The following GNA13 variants were observed in gnomAD, a reference collection of about 807,000 sequenced individuals.
GNA13 encodes the protein guanine nucleotide-binding protein subunit alpha-13.
GNA13 carries 4 observed loss-of-function variants against 33.5 expected under a neutral mutation model. That is an observed-to-expected ratio of 0.12 (90% CI 0.06 to 0.27). The LOEUF is 0.27. Among genes scored for constraint, GNA13 ranks in the 10% least tolerant of loss-of-function variants. The pLI, the probability that GNA13 is intolerant of heterozygous loss-of-function variation, is 1.00. For synonymous variants in GNA13, 176 were observed against 183.8 expected, an observed-to-expected ratio of 0.96 and a Z score of 0.34; for missense variants, 319 against 487.2, an observed-to-expected ratio of 0.65 and a Z score of 3.25.
At chr17:65,023,005 C>A (rs1395601199) in intron 2 of GNA13, among the ~76,000 whole-genome samples, 1 of 152,180 alleles carries the variant, frequency 6.6e-6, no homozygotes, top group African/African-American at 2.4e-5. Flanking sequence ...TTGTTGTTTA[C>A]TTAGGGAATC....
At chr17:65,053,791 T>TAAAAA in intron 1 of GNA13, 63 bp from the exon 2 acceptor site, 2 of 1,023,702 alleles carry the variant, frequency 2.0e-6, no homozygotes, top group Non-Finnish European at 3.0e-6. Flanking sequence ...TCATAAGTTT[T>TAAAAA]TATTCCAGTA....
intron 2 of GNA13, chr17:65,053,274 T>A: frequency 1.9e-6 from 1 of 520,436 alleles, no homozygotes; most frequent in Admixed American, 3.5e-5. Flanking sequence ...ATGTTTCATA[T>A]ATACCTTAAG....
At chr17:65,046,981 TAATAGAATACAA>T (rs1349744519) in intron 2 of GNA13, among the ~76,000 whole-genome samples, 2 of 152,254 alleles carry the variant, frequency 1.3e-5, no homozygotes, top group East Asian at 3.9e-4. Context: ...AATTTCAACA[TAATAGAATACAA>T]GTGATACCAC....
chr17:65,049,275 A>C (rs1468152085), intron 2 of GNA13, among the ~76,000 whole-genome samples: 1 of 152,026 alleles, frequency 6.6e-6, no homozygotes, highest in Non-Finnish European at 1.5e-5. Flanking sequence ...ATGCCTGGCT[A>C]ATTTTTGGTT....
At chr17:65,056,267 G>GC in intron 1 of GNA13, 44 bp downstream of exon 1, 3 of 627,432 alleles carry the variant, frequency 4.8e-6, no homozygotes, top group Admixed American at 5.3e-5. Flanking sequence ...CGCCGCCCCA[G>GC]CCCCCCTGCC....
At chr17:65,042,997 T>C (rs1277262126) in intron 2 of GNA13, among the ~76,000 whole-genome samples, 1 of 152,170 alleles carries the variant, frequency 6.6e-6, no homozygotes, top group Non-Finnish European at 1.5e-5. Context: ...ACAAGTCAGG[T>C]ACTGTGGGGC....
intron 2 of GNA13, among the ~76,000 whole-genome samples, chr17:65,048,092 AG>A (rs948847832): frequency 6.6e-5 from 10 of 152,234 alleles, no homozygotes; most frequent in Non-Finnish European, 1.3e-4. Context: ...TGGCCATTAC[AG>A]GAAGTTGTAT....
At chr17:65,030,675 A>G (rs1385794729) in intron 2 of GNA13, among the ~76,000 whole-genome samples, 1 of 152,244 alleles carries the variant, frequency 6.6e-6, no homozygotes. Context: ...TCACTTTGAA[A>G]AAAACAAGCC....
In GNA13 at chr17:65,011,994, A is replaced by G; in HGVS notation, c.*2263T>C. On this transcript the variant is annotated 3_prime_UTR_variant, in exon 4 of 4. Coordinates refer to ENST00000439174, the MANE Select transcript of GNA13 (RefSeq NM_006572.6). ...GAATGTCAAAACAAGCCTAAGTTGA[A>G]TATAAGTAATTCATTGCCTCAAAAT... 4.4e-6 allele frequency: 1 copy of G among 227,758 alleles called. No individual in the cohort carries two copies. Among genetic ancestry groups the G allele is most frequent in the Non-Finnish European group, 8.7e-6 (1 of 114,582 alleles). 14.1% of individuals were successfully genotyped at this position (227,758 alleles called of 1,614,324 possible).
chr17:65,056,396 C>T lies in GNA13; in HGVS notation c.198G>A (p.Lys66=). ...CCTGCCCGTGGATGATCCGCATCTG[C>T]TTCAGGAAGGTGGACTTGCCGCTCT... The part of the protein sequence containing the change: ...AGESGKSTFL[K]QMRIIHGQDF... The change falls in exon 1 of 4, where the codon AAG becomes AAA. Residue 66 remains lysine, a synonymous_variant. Coordinates refer to ENST00000439174, the MANE Select transcript of GNA13 (RefSeq NM_006572.6). The T allele has an allele frequency of 6.2e-7, 1 of 1,613,790 alleles. No homozygotes were observed. The highest frequency in any genetic ancestry group is 8.5e-7 in the Non-Finnish European group (1 of 1,179,914).
intron 2 of GNA13, among the ~76,000 whole-genome samples, chr17:65,024,757 A>G (rs1274761268): frequency 2.0e-5 from 3 of 152,238 alleles, no homozygotes; most frequent in South Asian, 2.1e-4. Flanking sequence ...CTGGATATAT[A>G]TTTTACTCAA....
At position 65,014,026 on chromosome 17, in the gene GNA13, G is replaced by A. The variant is rs2143765010; in HGVS notation, c.*231C>T. On this transcript the variant is annotated 3_prime_UTR_variant, in exon 4 of 4. Coordinates refer to ENST00000439174, the MANE Select transcript of GNA13 (RefSeq NM_006572.6). The surrounding 1 kb of genome is among the most constrained non-coding windows in gnomAD (Gnocchi z 5.3). ...AGGTTTTAACTGGACTTGAATAGAA[G>A]CCATGGTGAAACAGATCAAAGCCTG... 1 of 492,542 alleles carries A rather than the reference G, an allele frequency of 2.0e-6. No homozygotes were observed. Among genetic ancestry groups the A allele is most frequent in the Non-Finnish European group, 3.6e-6 (1 of 276,724 alleles). The allele number at this position is 492,542 out of a possible 1,614,324, so 30.5% of individuals were successfully genotyped here.
chr17:65,034,146 A>C (rs2143801552), intron 2 of GNA13, among the ~76,000 whole-genome samples: 1 of 152,106 alleles, frequency 6.6e-6, no homozygotes, highest in Admixed American at 6.5e-5. Context: ...AGTCTATAAT[A>C]GCATAAGTAG....
In GNA13 at chr17:65,012,355, G is replaced by T. The variant is rs75200830; in HGVS notation, c.*1902C>A. 1.3e-5 allele frequency: 3 copies of T among 222,774 alleles called. No individual in the cohort carries two copies. Among genetic ancestry groups the T allele is most frequent in the African/African-American group, 6.7e-5 (3 of 44,686 alleles). 13.8% of individuals were successfully genotyped at this position (222,774 alleles called of 1,614,324 possible). A position where few individuals can be genotyped will look rare whatever the true frequency, so the allele number is the denominator to read the frequency against. On this transcript the variant is annotated 3_prime_UTR_variant, in exon 4 of 4. Coordinates refer to ENST00000439174, the MANE Select transcript of GNA13 (RefSeq NM_006572.6). ...CCAAATGTTACTGTGCACATATTCC[G>T]ATATTCATTAGCACTGCAATTATGC...
chr17:65,026,555 A>G (rs1438340344), intron 2 of GNA13, among the ~76,000 whole-genome samples: 2 of 152,210 alleles, frequency 1.3e-5, no homozygotes, highest in African/African-American at 4.8e-5. Context: ...ATTTTTTGCC[A>G]AATGAATCTT....
chr17:65,020,690 G>A (rs1388981823), intron 2 of GNA13, among the ~76,000 whole-genome samples: 1 of 150,202 alleles, frequency 6.7e-6, no homozygotes, highest in African/African-American at 2.5e-5. Flanking sequence ...TCAATCTGTT[G>A]CCCAGGCTGG....
chr17:65,039,385 TAA>T (rs1330809781), intron 2 of GNA13, among the ~76,000 whole-genome samples: 1 of 152,162 alleles, frequency 6.6e-6, no homozygotes, highest in African/African-American at 2.4e-5. Context: ...TGATCTTGCT[TAA>T]AATCCTTTGG....
At chr17:65,018,349 A>G (rs531326645) in intron 2 of GNA13, 46 bp from the exon 3 acceptor site, 35 of 949,866 alleles carry the variant, frequency 3.7e-5, no homozygotes, top group Non-Finnish European at 5.2e-5. Flanking sequence ...TTAGAAATGG[A>G]AGATCTTGTT....
Position 65,013,305 on chromosome 17 carries a change from T to G in GNA13, c.*952A>C. ...TGGACAGGACAGCAAAAGATAGATG[T>G]TTGTGATGATACAACAATGATTTCC... is the stretch of plus-strand genomic sequence containing the variant. On this transcript the variant is annotated 3_prime_UTR_variant, in exon 4 of 4. Coordinates refer to ENST00000439174, the MANE Select transcript of GNA13 (RefSeq NM_006572.6). The G allele has an allele frequency of 4.8e-6, 1 of 208,482 alleles. No individual in the cohort carries two copies. The highest frequency in any genetic ancestry group is 9.8e-6 in the Non-Finnish European group (1 of 102,242). The allele number at this position is 208,482 out of a possible 1,614,324, so 12.9% of individuals were successfully genotyped here. A position where few individuals can be genotyped will look rare whatever the true frequency, so the allele number is the denominator to read the frequency against.
Sources: gnomAD v4.1 joint callset for allele counts (sites outside exome capture counted in the v4.1 genomes callset) on GRCh38, gnomAD v4.1.1 for gene constraint, Gnocchi (gnomAD v3.1) non-coding constraint, MANE v1.5 for transcripts, NCBI Gene and HGNC (gene_info 2026-07-23, HGNC 2026-07-21) for gene names.